The following ABCB4 variants were observed in gnomAD, a reference collection of about 807,000 sequenced individuals.
ABCB4 encodes ATP binding cassette subfamily B member 4, also known as phosphatidylcholine translocator ABCB4.
A neutral mutation model predicts 145.7 loss-of-function variants in ABCB4; 76 were observed. That is an observed-to-expected ratio of 0.52 (90% CI 0.43 to 0.63). The LOEUF (loss-of-function observed/expected upper bound fraction) is 0.63, where lower values mean the gene tolerates loss of function less well. ABCB4 is among the 30% of genes least tolerant of loss of function. ABCB4 has a pLI of 0.00. For synonymous variants in ABCB4, 517 were observed against 566.8 expected (o/e 0.91, Z 1.25); for missense variants, 1,234 against 1,553.1 (o/e 0.79, Z 3.45).
At chr7:87,409,457 T>A in intron 23 of ABCB4, 65 bp from the exon 24 acceptor site, 9 of 1,543,424 alleles carry the variant, frequency 5.8e-6, no homozygotes, top group Non-Finnish European at 8.0e-6. Flanking sequence ...TTTGAAAGTC[T>A]AAAGGTATAG....
At chr7:87,440,167 T>C in intron 13 of ABCB4, 32 bp downstream of exon 13, 2 of 1,602,472 alleles carry the variant, frequency 1.2e-6, no homozygotes, top group Non-Finnish European at 1.7e-6. Context: ...AAATTCTAAT[T>C]TCAAGGACAA....
At chr7:87,389,234 A>G in the ABCB4 span, among the ~76,000 whole-genome samples, 1 of 152,192 alleles carries the variant, frequency 6.6e-6, no homozygotes, top group South Asian at 2.1e-4. Context: ...AAGGATCTAG[A>G]ACCAGAAATA....
intron 19 of ABCB4, among the ~76,000 whole-genome samples, chr7:87,419,595 G>C (rs2116486269): frequency 6.6e-6 from 1 of 152,282 alleles, no homozygotes. Flanking sequence ...TAGTATGGTA[G>C]ATTGTGGTAC....
the ABCB4 span, among the ~76,000 whole-genome samples, chr7:87,366,052 T>C: frequency 6.6e-6 from 1 of 152,332 alleles, no homozygotes; most frequent in Admixed American, 6.5e-5. Flanking sequence ...GATTTGTGCA[T>C]GGTCTAATTT....
chr7:87,369,418 G>C, the ABCB4 span: 1 of 1,613,060 alleles, frequency 6.2e-7, no homozygotes, highest in Middle Eastern at 1.7e-4. Context: ...GTGCTGTGTC[G>C]AGGCCGAGCT....
intron 8 of ABCB4, chr7:87,448,633 C>G (rs918651031): frequency 6.6e-6 from 1 of 152,244 alleles, no homozygotes; most frequent in East Asian, 1.9e-4. Context: ...GGCTCGCTTA[C>G]CGGGGCTAAT....
the ABCB4 span, among the ~76,000 whole-genome samples, chr7:87,379,915 A>G: frequency 1.3e-4 from 20 of 152,242 alleles, no homozygotes; most frequent in Non-Finnish European, 2.4e-4. Flanking sequence ...GTTCAGCACC[A>G]GCTTGGGCAA....
chr7:87,406,976 C>A (rs1417102232), intron 25 of ABCB4, among the ~76,000 whole-genome samples: 1 of 152,200 alleles, frequency 6.6e-6, no homozygotes, highest in African/African-American at 2.4e-5. Context: ...AAACTACTAG[C>A]CTTAACTTTC....
chr7:87,368,259 G>T, the ABCB4 span, among the ~76,000 whole-genome samples: 1 of 152,154 alleles, frequency 6.6e-6, no homozygotes, highest in Non-Finnish European at 1.5e-5. Flanking sequence ...TTATTGTGAG[G>T]TAGCACCCTT....
rs1446423395 is a variant in ABCB4, at chr7:87,443,656, A to G, written c.1230+7T>C. 2.5e-6 allele frequency: 4 copies of G among 1,607,376 alleles called. No individual in the cohort carries two copies. The African/African-American group carries it at 5.3e-5, about 21-fold the overall frequency. Reference sequence around the variant, plus strand: ...TTAGGAATTCCTATAAATATTACTTACAGTACCTTGACGTTAGCTCGAGAA... The same window carrying G: ...TTAGGAATTCCTATAAATATTACTTGCAGTACCTTGACGTTAGCTCGAGAA... On this transcript the variant is annotated splice_region_variant and intron_variant, in intron 11 of 27. Coordinates refer to ENST00000649586, the MANE Select transcript of ABCB4 (RefSeq NM_000443.4).
At chr7:87,468,933 AAAAT>A (rs1189470267) in intron 3 of ABCB4, among the ~76,000 whole-genome samples, 2 of 144,336 alleles carry the variant, frequency 1.4e-5, no homozygotes, top group Admixed American at 6.7e-5. Flanking sequence ...TCCGTCTCAA[AAAAT>A]AAATAAATAA....
chr7:87,381,903 A>G, the ABCB4 span: 2 of 1,590,622 alleles, frequency 1.3e-6, no homozygotes, highest in Non-Finnish European at 1.7e-6. Flanking sequence ...GTGTGTTCTC[A>G]TTTTAGCATG....
chr7:87,383,485 G>A, the ABCB4 span, among the ~76,000 whole-genome samples: 2 of 142,726 alleles, frequency 1.4e-5, no homozygotes, highest in African/African-American at 5.1e-5. Flanking sequence ...ATTCCATTGT[G>A]TATGTATATC....
In ABCB4 at chr7:87,412,045, A is replaced by G. The variant is rs201498350; in HGVS notation, c.2784-12T>C. ...TCTGCACAGAATTCCTGAAAAGCAAATCAGTATACTTGTAACCATCTCTTC... is the reference window on the plus strand; with the variant it reads ...TCTGCACAGAATTCCTGAAAAGCAAGTCAGTATACTTGTAACCATCTCTTC... On this transcript the variant is annotated splice_polypyrimidine_tract_variant and intron_variant, in intron 22 of 27. Transcript: ENST00000649586. 3.8e-5 allele frequency: 62 copies of G among 1,613,484 alleles called. 1 individual carries two copies. The Admixed American group carries it at 6.3e-4, about 16-fold the overall frequency.
rs773668999 is a variant in ABCB4 at position 87,422,211 on chromosome 7, G to A, written c.2226C>T (p.Gly742=). The A allele has an allele frequency of 6.2e-6, 10 of 1,612,816 alleles. No homozygotes were observed. Among genetic ancestry groups the A allele is most frequent in the Middle Eastern group, 3.3e-4 (2 of 6,080 alleles). The part of the protein sequence containing the change: ...FSEIIAIFGP[G]DDAVKQQKCN... ...ACTTCTGCTGCTTCACTGCATCATC[G>A]CCTGGTCCAAAAATCTACAAAAGAA... The change falls in exon 18 of 28, where the codon GGC becomes GGT. Residue 742 remains glycine, a synonymous_variant. Transcript: ENST00000649586.
In ABCB4 at chr7:87,475,422, G is replaced by T. The variant is rs760455702; in HGVS notation, c.44C>A (p.Thr15Lys). 38 of 1,614,108 alleles carry T rather than the reference G, an allele frequency of 2.4e-5. No homozygotes were observed. The highest frequency in any genetic ancestry group is 3.1e-5 in the Non-Finnish European group (37 of 1,180,040). Residue 15 changes from threonine (T) to lysine (K), a missense_variant, in exon 2 of 28, where the codon ACG (threonine) becomes AAG (lysine). By Grantham distance (78) the Thr-to-Lys change is moderately conservative. Transcript: ENST00000649586. ...CAGTTCAAAGTCGCCCTCCGCGCTC[G>T]TGGGGCGCCAGGCTGTTCCGTTCTT... Reference protein sequence around the residue: ...AAKNGTAWRPTSAEGDFELGI... With the variant: ...AAKNGTAWRPKSAEGDFELGI...
intron 12 of ABCB4, among the ~76,000 whole-genome samples, chr7:87,442,808 C>T (rs1003001934): frequency 1.1e-4 from 16 of 152,020 alleles, no homozygotes; most frequent in African/African-American, 3.9e-4. Context: ...AAAACATACC[C>T]TAGGCTATTA....
the ABCB4 span, chr7:87,382,591 A>G: frequency 8.6e-5 from 133 of 1,549,418 alleles, no homozygotes; most frequent in East Asian, 1.8e-3. Context: ...GTCCAAGGGT[A>G]TATCTTTTTT....
the ABCB4 span, among the ~76,000 whole-genome samples, chr7:87,370,469 C>T: frequency 3.9e-5 from 6 of 152,186 alleles, no homozygotes; most frequent in Admixed American, 2.0e-4. Context: ...AGGCATGAGC[C>T]ACCACACCCA....
Sources: gnomAD v4.1 joint callset for allele counts (sites outside exome capture counted in the v4.1 genomes callset) on GRCh38, gnomAD v4.1.1 for gene constraint, MANE v1.5 for transcripts, NCBI Gene and HGNC (gene_info 2026-07-23, HGNC 2026-07-21) for gene names.